Variants in TMCC3 observed in about 807,000 individuals in gnomAD.
The protein encoded by TMCC3 is transmembrane and coiled-coil domain family 3.
Under a neutral mutation model 40.2 loss-of-function variants are expected in TMCC3, and 28 were observed. That is an observed-to-expected ratio of 0.70 (90% CI 0.52 to 0.95). TMCC3 has a LOEUF of 0.95. Among genes scored for constraint, TMCC3 ranks in the 40% least tolerant of loss-of-function variants. The pLI is 0.00. For missense variants in TMCC3, 554 were observed against 615.2 expected, an observed-to-expected ratio of 0.90 and a Z score of 1.05; for synonymous variants, 255 against 248.5, an observed-to-expected ratio of 1.03 and a Z score of -0.25.
At chr12:94,579,334 C>A (rs1415885366) in intron 2 of TMCC3, among the ~76,000 whole-genome samples, 1 of 152,120 alleles carries the variant, frequency 6.6e-6, no homozygotes, top group African/African-American at 2.4e-5. Context: ...TGGTGAAACC[C>A]CGTCTCTACT....
intron 2 of TMCC3, among the ~76,000 whole-genome samples, chr12:94,580,937 G>A (rs1458590052): frequency 1.3e-5 from 2 of 152,184 alleles, no homozygotes; most frequent in East Asian, 3.8e-4. Flanking sequence ...CACGTGAGTT[G>A]TTGCCTGTAT....
intron 1 of TMCC3, among the ~76,000 whole-genome samples, chr12:94,611,901 G>A (rs2068818622): frequency 6.6e-6 from 1 of 152,170 alleles, no homozygotes; most frequent in South Asian, 2.1e-4. Context: ...ATCCATTCAT[G>A]GCAACTGAAG....
At chr12:94,614,097 GAA>G (rs10696282) in intron 1 of TMCC3, among the ~76,000 whole-genome samples, 2 of 98,476 alleles carry the variant, frequency 2.0e-5, no homozygotes, top group Admixed American at 1.3e-4. Flanking sequence ...TCCATCTCCA[GAA>G]AAAAAAAAAA....
rs1491007129 is a variant in TMCC3, at chr12:94,597,166, A to ATATATATATATAT, written c.79-14629_79-14628insATATATATATATA. Among the ~76,000 whole-genome samples, 118 of 90,964 alleles carry ATATATATATATAT rather than the reference A, an allele frequency of 1.3e-3. 7 individuals are homozygous for ATATATATATATAT. The highest frequency in any genetic ancestry group is 5.1e-3 in the Middle Eastern group (1 of 196). 59.7% of individuals were successfully genotyped at this position (90,964 alleles called of 152,430 possible). A position where few individuals can be genotyped will look rare whatever the true frequency, so the allele number is the denominator to read the frequency against. ...ATATATATATATATATATGTATATA[A>ATATATATATATAT]ATTAGCCAGGCCTGCTGGCGTGCCT... On this transcript the variant is annotated intron_variant, in intron 1 of 3. Coordinates refer to ENST00000261226, the MANE Select transcript of TMCC3 (RefSeq NM_020698.4).
Position 94,581,847 on chromosome 12 carries a change from C to G in TMCC3, c.770G>C (p.Cys257Ser). The change falls in exon 2 of 4, where the codon TGT becomes TCT. Residue 257 changes from cysteine (C) to serine (S), a missense_variant. Coordinates refer to ENST00000261226, the MANE Select transcript of TMCC3 (RefSeq NM_020698.4). Reference protein sequence around the residue: ...NKPKYGSDDECSSGTSGSADS... With the variant: ...NKPKYGSDDESSSGTSGSADS... Reference sequence around the variant, plus strand: ...GGCCGAGCCTGACGTGCCACTCGAACATTCATCATCACTGCCATACTTGGG... The same window carrying G: ...GGCCGAGCCTGACGTGCCACTCGAAGATTCATCATCACTGCCATACTTGGG... 6.2e-7 allele frequency: 1 copy of G among 1,614,074 alleles called. No individual in the cohort carries two copies.
chr12:94,578,245 G>A (rs1412471395), intron 3 of TMCC3, 149 bp downstream of exon 3: 10 of 748,310 alleles, frequency 1.3e-5, no homozygotes, highest in Admixed American at 2.6e-5. Flanking sequence ...TGGGGTTAAC[G>A]TGGTACAGAT....
intron 1 of TMCC3, among the ~76,000 whole-genome samples, chr12:94,621,966 T>C (rs1270350725): frequency 1.3e-5 from 2 of 152,108 alleles, no homozygotes; most frequent in African/African-American, 4.8e-5. Context: ...TCAGTATCAG[T>C]AGGAGAAATA....
intron 1 of TMCC3, among the ~76,000 whole-genome samples, chr12:94,645,956 A>G (rs955771977): frequency 6.6e-6 from 1 of 152,190 alleles, no homozygotes; most frequent in African/African-American, 2.4e-5. Context: ...TTTTATAGAC[A>G]TTACTGAATT....
chr12:94,612,940 C>A (rs1311715116), intron 1 of TMCC3, among the ~76,000 whole-genome samples: 1 of 151,984 alleles, frequency 6.6e-6, no homozygotes, highest in East Asian at 1.9e-4. Flanking sequence ...CTGTTAGGAG[C>A]ACATTGAAAA....
chr12:94,578,146 C>CAAAAAAAAAAAAAAAAAAAAAAAAA (rs1183420863), intron 3 of TMCC3, among the ~76,000 whole-genome samples: 1 of 34,846 alleles, frequency 2.9e-5, no homozygotes, highest in Non-Finnish European at 5.2e-5. Flanking sequence ...AGACTCACCT[C>CAAAAAAAAAAAAAAAAAAAAAAAAA]AAAAAAAAAA....
Position 94,581,969 on chromosome 12 carries a change from G to A in TMCC3, c.648C>T (p.Ser216=), listed in dbSNP as rs747923924. 13 of 1,614,202 alleles carry A rather than the reference G, an allele frequency of 8.1e-6. No homozygotes were observed. In the African/African-American group the frequency reaches 9.3e-5, roughly 12 times the overall value. The stretch of plus-strand genomic sequence containing the variant: ...TTTTCAAGTGAGCAATGTTGTCGGC[G>A]CTGCCAAACTTATTCCGGATCAGGT... The part of the protein sequence containing the change: ...FANLIRNKFG[S]ADNIAHLKNS... Residue 216 remains serine (S), a synonymous_variant, in exon 2 of 4, where the codon AGC becomes AGT. Transcript: ENST00000261226.
At chr12:94,643,690 A>T (rs1448877997) in intron 1 of TMCC3, among the ~76,000 whole-genome samples, 1 of 152,250 alleles carries the variant, frequency 6.6e-6, no homozygotes, top group South Asian at 2.1e-4. Context: ...TGTGCATGTC[A>T]TAAGAATTAG....
At chr12:94,578,031 C>T (rs914361355) in intron 3 of TMCC3, among the ~76,000 whole-genome samples, 4 of 150,872 alleles carry the variant, frequency 2.7e-5, no homozygotes, top group African/African-American at 9.8e-5. Context: ...TGCCTATAGC[C>T]CCAGCTACTC....
At chr12:94,624,717 TA>T (rs199973828) in intron 1 of TMCC3, among the ~76,000 whole-genome samples, 4 of 148,894 alleles carry the variant, frequency 2.7e-5, no homozygotes, top group Admixed American at 2.0e-4. Context: ...GTCTCAAAAT[TA>T]AAAAAAAATA....
intron 1 of TMCC3, among the ~76,000 whole-genome samples, chr12:94,643,210 C>T (rs575641947): frequency 2.6e-5 from 4 of 152,082 alleles, no homozygotes; most frequent in South Asian, 2.1e-4. Context: ...GAAAGTCAAC[C>T]GAGGCACATA....
At chr12:94,634,313 T>C (rs1418705271) in intron 1 of TMCC3, among the ~76,000 whole-genome samples, 2 of 152,078 alleles carry the variant, frequency 1.3e-5, no homozygotes, top group Non-Finnish European at 2.9e-5. Context: ...CAAAAAATTA[T>C]TTAAGAAATG....
At chr12:94,627,576 A>G (rs570723585) in intron 1 of TMCC3, among the ~76,000 whole-genome samples, 1 of 152,248 alleles carries the variant, frequency 6.6e-6, no homozygotes, top group Non-Finnish European at 1.5e-5. Context: ...CCAGCCACAC[A>G]GCCTCCTTGC....
intron 1 of TMCC3, among the ~76,000 whole-genome samples, chr12:94,590,103 TTC>T (rs1193901125): frequency 9.5e-6 from 1 of 105,764 alleles, no homozygotes; most frequent in Non-Finnish European, 2.1e-5. Flanking sequence ...ATAAAATCTA[TTC>T]TTTTTTTTTT....
At chr12:94,618,008 G>C (rs772443617) in intron 1 of TMCC3, among the ~76,000 whole-genome samples, 5 of 152,134 alleles carry the variant, frequency 3.3e-5, no homozygotes, top group Non-Finnish European at 7.4e-5. Context: ...TAAACCAAAT[G>C]TTAAGTCAAT....
Sources: gnomAD v4.1 joint callset for allele counts (sites outside exome capture counted in the v4.1 genomes callset) on GRCh38, gnomAD v4.1.1 for gene constraint, MANE v1.5 for transcripts, NCBI Gene and HGNC (gene_info 2026-07-23, HGNC 2026-07-21) for gene names.